Variants in PPARGC1A observed in about 807,000 individuals in gnomAD.
PPARGC1A encodes the protein peroxisome proliferator-activated receptor gamma coactivator 1-alpha.
A neutral mutation model predicts 88.7 loss-of-function variants in PPARGC1A; 25 were observed. That is an observed-to-expected ratio of 0.28 (90% CI 0.21 to 0.39). The LOEUF is 0.39. Among genes scored for constraint, PPARGC1A ranks in the 10% least tolerant of loss-of-function variants. The pLI, the probability that PPARGC1A is intolerant of heterozygous loss-of-function variation, is 1.00. For synonymous variants in PPARGC1A, 363 were observed against 355.6 expected, an observed-to-expected ratio of 1.02 and a Z score of -0.24; for missense variants, 880 against 968.7, an observed-to-expected ratio of 0.91 and a Z score of 1.22.
Position 23,814,199 on chromosome 4 carries a change from A to G in PPARGC1A, c.1284T>C (p.Asp428=). 2.5e-6 allele frequency: 4 copies of G among 1,614,084 alleles called. No individual in the cohort carries two copies. Among genetic ancestry groups the G allele is most frequent in the Non-Finnish European group, 2.5e-6 (3 of 1,179,996 alleles). The change falls in exon 8 of 13, where the codon GAT becomes GAC. Residue 428 remains aspartate, a synonymous_variant. Coordinates refer to ENST00000264867, the MANE Select transcript of PPARGC1A (RefSeq NM_013261.5). ...TCTCTCTCAGGTAGCACTGGTCTGA[A>G]TCTGTGGAAGAACAAATCTGCCCCT... The part of the protein sequence containing the change: ...DWQGQICSST[D]SDQCYLRETL...
chr4:23,917,376 CTTTT>C, the PPARGC1A span, among the ~76,000 whole-genome samples: 4 of 132,516 alleles, frequency 3.0e-5, no homozygotes, highest in Non-Finnish European at 3.2e-5. Flanking sequence ...TTCTTTCTTT[CTTTT>C]TTTTTTTTTT....
At chr4:24,103,650 G>A in the PPARGC1A span, among the ~76,000 whole-genome samples, 175 of 149,118 alleles carry the variant, frequency 1.2e-3, no homozygotes, top group African/African-American at 2.0e-3. Flanking sequence ...TATAGCTGCC[G>A]CTTTGATGCT....
the PPARGC1A span, among the ~76,000 whole-genome samples, chr4:23,998,462 A>T: frequency 1.3e-5 from 2 of 152,124 alleles, no homozygotes; most frequent in Non-Finnish European, 2.9e-5. Flanking sequence ...TGTTTCTACA[A>T]TTTCTTGTCT....
At chr4:24,123,910 C>A in the PPARGC1A span, among the ~76,000 whole-genome samples, 1,556 of 122,386 alleles carry the variant, frequency 0.013, no homozygotes, top group Middle Eastern at 0.036. Flanking sequence ...TCTAAGTTGG[C>A]AAAAAAAAAA....
the PPARGC1A span, among the ~76,000 whole-genome samples, chr4:23,994,337 T>G: frequency 1.6e-4 from 25 of 152,164 alleles, no homozygotes; most frequent in East Asian, 4.8e-3. Context: ...GACTTTAAAG[T>G]GTATCAGTAA....
chr4:23,901,428 C>T (rs1314012430), upstream of PPARGC1A, among the ~76,000 whole-genome samples: 1 of 148,342 alleles, frequency 6.7e-6, no homozygotes, highest in African/African-American at 2.5e-5. Context: ...CCTATAGTCC[C>T]AGCTACTCGG....
the PPARGC1A span, among the ~76,000 whole-genome samples, chr4:24,153,599 G>C: frequency 6.6e-6 from 1 of 152,132 alleles, no homozygotes; most frequent in Non-Finnish European, 1.5e-5. Context: ...ATATTTTTCT[G>C]CCGTTTATTA....
chr4:24,108,301 T>C, the PPARGC1A span, among the ~76,000 whole-genome samples: 2 of 152,180 alleles, frequency 1.3e-5, no homozygotes, highest in African/African-American at 4.8e-5. Context: ...ATCTTCCTTA[T>C]GTACAAGTGT....
At chr4:24,399,060 A>G in the PPARGC1A span, among the ~76,000 whole-genome samples, 1 of 152,204 alleles carries the variant, frequency 6.6e-6, no homozygotes, top group Non-Finnish European at 1.5e-5. Context: ...TCAACTTCCC[A>G]CACTGCAAGG....
the PPARGC1A span, among the ~76,000 whole-genome samples, chr4:24,323,339 A>G: frequency 1.5e-4 from 23 of 152,154 alleles, no homozygotes; most frequent in Non-Finnish European, 3.2e-4. Flanking sequence ...TTGCACATAT[A>G]CGCCCAGATG....
the PPARGC1A span, among the ~76,000 whole-genome samples, chr4:24,437,599 TG>T: frequency 4.4e-5 from 3 of 67,690 alleles, no homozygotes; most frequent in Admixed American, 1.3e-4. Context: ...GGTTTTTTGT[TG>T]TTGTTGTTGT....
the PPARGC1A span, among the ~76,000 whole-genome samples, chr4:24,143,722 T>A: frequency 6.6e-6 from 1 of 152,214 alleles, no homozygotes. Flanking sequence ...TAAGCATTTA[T>A]CGGACATATA....
the PPARGC1A span, among the ~76,000 whole-genome samples, chr4:23,998,032 T>G: frequency 6.6e-6 from 1 of 152,174 alleles, no homozygotes; most frequent in Non-Finnish European, 1.5e-5. Flanking sequence ...TCAGTACATA[T>G]GAATCAACTG....
chr4:23,983,986 CATCTT>C, the PPARGC1A span, among the ~76,000 whole-genome samples: 61 of 152,182 alleles, frequency 4.0e-4, no homozygotes, highest in African/African-American at 1.3e-3. Flanking sequence ...TTAGTAATAA[CATCTT>C]ATCACCCATT....
the PPARGC1A span, among the ~76,000 whole-genome samples, chr4:24,037,538 G>A: frequency 5.3e-5 from 8 of 152,172 alleles, no homozygotes; most frequent in Admixed American, 6.6e-5. Context: ...TGTAAAACCT[G>A]TAAATAGAGC....
chr4:23,796,080 T>A (rs1009939208), intron 12 of PPARGC1A, among the ~76,000 whole-genome samples, 155 bp from the exon 13 acceptor site: 14 of 152,110 alleles, frequency 9.2e-5, no homozygotes, highest in Admixed American at 3.3e-4. Context: ...TATGGATATA[T>A]AGGAAGAGGA....
At chr4:23,800,967 CTTTT>C (rs72052228) in intron 12 of PPARGC1A, among the ~76,000 whole-genome samples, 19 of 122,098 alleles carry the variant, frequency 1.6e-4, no homozygotes, top group African/African-American at 5.5e-4. Flanking sequence ...GTGTTTCTTT[CTTTT>C]TTTTTTTTTT....
chr4:24,030,560 C>T, the PPARGC1A span, among the ~76,000 whole-genome samples: 2 of 152,184 alleles, frequency 1.3e-5, no homozygotes, highest in Non-Finnish European at 2.9e-5. Flanking sequence ...CCCCGTAATA[C>T]AGCAGTTACT....
the PPARGC1A span, among the ~76,000 whole-genome samples, chr4:24,076,197 C>T: frequency 8.5e-5 from 13 of 152,236 alleles, no homozygotes; most frequent in Non-Finnish European, 2.9e-5. Flanking sequence ...CTCTCACATT[C>T]ATTATCTTAT....
Sources: allele counts gnomAD v4.1 joint callset (sites outside exome capture counted in the v4.1 genomes callset), GRCh38; gene constraint gnomAD v4.1.1; transcripts MANE v1.5; gene names NCBI Gene and HGNC (gene_info 2026-07-23, HGNC 2026-07-21).